Variants in MTMR9 observed in about 807,000 individuals in gnomAD.
MTMR9 encodes myotubularin related protein 9, also known as myotubularin-related protein 9.
Under a neutral mutation model 69.5 loss-of-function variants are expected in MTMR9, and 39 were observed. The ratio of observed to expected loss-of-function variants is 0.56; its 90% confidence interval spans 0.43 to 0.73. The LOEUF (loss-of-function observed/expected upper bound fraction) is 0.73. Among genes scored for constraint, MTMR9 ranks in the 30% least tolerant of loss-of-function variants. The pLI, the probability that MTMR9 is intolerant of heterozygous loss-of-function variation, is 0.00. For missense variants in MTMR9, 900 were observed against 671.2 expected, an observed-to-expected ratio of 1.34 and a Z score of -3.77; for synonymous variants, 354 against 240.8, an observed-to-expected ratio of 1.47 and a Z score of -4.35.
chr8:11,331,009 G>A (rs1440761849), downstream of MTMR9: 23 of 1,497,126 alleles, frequency 1.5e-5, no homozygotes, highest in Admixed American at 5.1e-5. Flanking sequence ...GAGTTCCAGG[G>A]AAGAACCCCA....
chr8:11,330,623 C>A (rs1057068350), downstream of MTMR9, among the ~76,000 whole-genome samples: 3 of 152,156 alleles, frequency 2.0e-5, no homozygotes, highest in African/African-American at 7.2e-5. Context: ...TTGACCCCAG[C>A]CCTGTGCTCT....
At chr8:11,311,944 C>G (rs1445061000) in intron 6 of MTMR9, among the ~76,000 whole-genome samples, 1 of 149,028 alleles carries the variant, frequency 6.7e-6, no homozygotes, top group Admixed American at 6.7e-5. Flanking sequence ...TAGATTCTAT[C>G]TCAGGATACT....
At chr8:11,295,505 G>A (rs1038153912) in intron 2 of MTMR9, among the ~76,000 whole-genome samples, 6 of 150,928 alleles carry the variant, frequency 4.0e-5, no homozygotes, top group African/African-American at 7.3e-5. Flanking sequence ...TGTTACTCAC[G>A]TTATATGAGT....
intron 8 of MTMR9, chr8:11,318,551 A>G (rs1402660421): frequency 6.6e-6 from 1 of 152,200 alleles, no homozygotes. Context: ...GTCTTATGAG[A>G]ATTGAATGTA....
intron 9 of MTMR9, among the ~76,000 whole-genome samples, chr8:11,321,806 A>G (rs1019271716): frequency 6.6e-6 from 1 of 152,196 alleles, no homozygotes; most frequent in African/African-American, 2.4e-5. Flanking sequence ...TTTCTGATAC[A>G]GCCTGATGTT....
At position 11,319,535 on chromosome 8, in the gene MTMR9, A is replaced by G. The variant is rs1800574902; in HGVS notation, c.1335-152A>G. The G allele has an allele frequency of 8.0e-6, 6 of 752,176 alleles. No individual in the cohort carries two copies. In the Admixed American group the frequency reaches 1.5e-4, roughly 18 times the overall value. The allele number at this position is 752,176 out of a possible 1,614,324, so 46.6% of individuals were successfully genotyped here. ...CTAATGCCGATTGAGCTTTTTGACAAATCTATTGATTTTTCAACACTTTGT... is the reference window on the plus strand; with the variant it reads ...CTAATGCCGATTGAGCTTTTTGACAGATCTATTGATTTTTCAACACTTTGT... On this transcript the variant is annotated intron_variant, in intron 8 of 9. Transcript: ENST00000221086.
chr8:11,319,750 G>C lies in MTMR9; in HGVS notation c.1398G>C (p.Glu466Asp). ...GGTCCTGGGTTAATCAGCCCAGTGAGCTGAGTAAATTCACCAATCCCCTCT... is the reference window on the plus strand; with the variant it reads ...GGTCCTGGGTTAATCAGCCCAGTGACCTGAGTAAATTCACCAATCCCCTCT... ...SLWSWVNQPS[E>D]LSKFTNPLFE... Residue 466 changes from glutamate (E) to aspartate (D), a missense_variant, in exon 9 of 10, where the codon GAG (glutamate) becomes GAC (aspartate). Transcript: ENST00000221086. 6.2e-7 allele frequency: 1 copy of C among 1,614,194 alleles called. No homozygotes were observed. Among genetic ancestry groups the C allele is most frequent in the Non-Finnish European group, 8.5e-7 (1 of 1,180,018 alleles).
At position 11,322,896 on chromosome 8, in the gene MTMR9, A is replaced by ACC; in HGVS notation, c.*108_*109insCC. The ACC allele has an allele frequency of 2.1e-6, 2 of 939,810 alleles. No homozygotes were observed. The highest frequency in any genetic ancestry group is 3.2e-6 in the Non-Finnish European group (2 of 627,606). 58.2% of individuals were successfully genotyped at this position (939,810 alleles called of 1,614,324 possible). A position where few individuals can be genotyped will look rare whatever the true frequency, so the allele number is the denominator to read the frequency against. On this transcript the variant is annotated 3_prime_UTR_variant, in exon 10 of 10. Transcript: ENST00000221086. ...ACGGTAGCCTTGAAGTGAAGGCTTT[A>ACC]GATGTGGGACCCCCCTAATGTAATG...
At chr8:11,290,384 C>T (rs1420975718) in intron 1 of MTMR9, among the ~76,000 whole-genome samples, 1 of 152,014 alleles carries the variant, frequency 6.6e-6, no homozygotes, top group Non-Finnish European at 1.5e-5. Flanking sequence ...TTAGGCATTA[C>T]GAATGTTTTC....
At chr8:11,312,311 A>G (rs1585127575) in intron 6 of MTMR9, among the ~76,000 whole-genome samples, 1 of 151,800 alleles carries the variant, frequency 6.6e-6, no homozygotes, top group Non-Finnish European at 1.5e-5. Flanking sequence ...CAGCCTCCCA[A>G]AGTGCTGAGA....
At chr8:11,303,139 C>T (rs1035021228) in intron 3 of MTMR9, among the ~76,000 whole-genome samples, 1 of 148,428 alleles carries the variant, frequency 6.7e-6, no homozygotes, top group Admixed American at 6.8e-5. Context: ...CCAAGAGGAG[C>T]CACGTTACTC....
chr8:11,328,627 T>C (rs1801054372), downstream of MTMR9, among the ~76,000 whole-genome samples: 1 of 152,218 alleles, frequency 6.6e-6, no homozygotes, highest in Admixed American at 6.5e-5. Flanking sequence ...ATTACAGTAA[T>C]CATTGACTTA....
In MTMR9 at chr8:11,325,698, T is replaced by A. The variant is rs1318450143; in HGVS notation, c.*2910T>A. ...TCAGAAGAACATTGTTGTTTGATTA[T>A]ATGTTTTTAAAAACCTGAAGCTTTT... On this transcript the variant is annotated 3_prime_UTR_variant, in exon 10 of 10. Transcript: ENST00000221086. 6.6e-6 allele frequency: 1 copy of A among 151,966 alleles called. No individual in the cohort carries two copies. Among genetic ancestry groups the A allele is most frequent in the Non-Finnish European group, 1.5e-5 (1 of 68,000 alleles). The allele number at this position is 151,966 out of a possible 1,614,324, so 9.4% of individuals were successfully genotyped here.
intron 5 of MTMR9, among the ~76,000 whole-genome samples, chr8:11,306,669 C>T (rs1311065010): frequency 6.6e-6 from 1 of 152,122 alleles, no homozygotes; most frequent in African/African-American, 2.4e-5. Flanking sequence ...ATTAACCTAT[C>T]ACGTCGCATA....
intron 5 of MTMR9, 86 bp downstream of exon 5, chr8:11,306,493 T>TAGC: frequency 8.4e-7 from 1 of 1,189,842 alleles, no homozygotes; most frequent in Admixed American, 2.2e-5. Flanking sequence ...TCACAAGTGC[T>TAGC]CAAATTAACT....
At chr8:11,311,769 A>G (rs959440925) in intron 6 of MTMR9, among the ~76,000 whole-genome samples, 5 of 152,168 alleles carry the variant, frequency 3.3e-5, no homozygotes, top group African/African-American at 9.7e-5. Context: ...TCTCTGTAGC[A>G]TGTGATACCG....
In MTMR9 at chr8:11,323,038, G is replaced by C; in HGVS notation, c.*250G>C. On this transcript the variant is annotated 3_prime_UTR_variant, in exon 10 of 10. Coordinates refer to ENST00000221086, the MANE Select transcript of MTMR9 (RefSeq NM_015458.4). ...GAGGTGCTAGTCATTTTATTTTTAC[G>C]TGAAATAGATGACCTATTTAATGCC... is the stretch of plus-strand genomic sequence containing the variant. 3.3e-6 allele frequency: 1 copy of C among 302,254 alleles called. No individual in the cohort carries two copies. 18.7% of individuals were successfully genotyped at this position (302,254 alleles called of 1,614,324 possible). A position where few individuals can be genotyped will look rare whatever the true frequency, so the allele number is the denominator to read the frequency against.
At position 11,285,948 on chromosome 8, in the gene MTMR9, C is replaced by CTTTTTTTTTTT. The variant is rs755153057; in HGVS notation, c.182+890_182+900dup. Among the ~76,000 whole-genome samples the CTTTTTTTTTTT allele has an allele frequency of 2.0e-4, 21 of 107,110 alleles. 1 individual carries two copies. Among genetic ancestry groups the CTTTTTTTTTTT allele is most frequent in the South Asian group, 6.2e-4 (2 of 3,218 alleles). The allele number at this position is 107,110 out of a possible 152,430, so 70.3% of individuals were successfully genotyped here. On this transcript the variant is annotated intron_variant, in intron 1 of 9. Coordinates refer to ENST00000221086, the MANE Select transcript of MTMR9 (RefSeq NM_015458.4). ...AAAATAATAATCTCTTTCTTTCTTT[C>CTTTTTTTTTTT]TTTTTTTTTTTTTTTTTTTTTTGGA...
At position 11,325,911 on chromosome 8, in the gene MTMR9, G is replaced by C. The variant is rs905160667; in HGVS notation, c.*3123G>C. On this transcript the variant is annotated 3_prime_UTR_variant, in exon 10 of 10. Transcript: ENST00000221086. ...TTTAAAGTGATTTTTGAGAAGACTT[G>C]GGGGGGACAATAATAGACATTCATG... The C allele has an allele frequency of 6.6e-6, 1 of 151,982 alleles. No individual in the cohort carries two copies. The highest frequency in any genetic ancestry group is 1.5e-5 in the Non-Finnish European group (1 of 67,974). 9.4% of individuals were successfully genotyped at this position (151,982 alleles called of 1,614,324 possible).
Sources: allele counts gnomAD v4.1 joint callset (sites outside exome capture counted in the v4.1 genomes callset), GRCh38; gene constraint gnomAD v4.1.1; transcripts MANE v1.5; gene names NCBI Gene and HGNC (gene_info 2026-07-23, HGNC 2026-07-21).